The following TOP2B variants were observed in gnomAD, a reference collection of about 807,000 sequenced individuals.
TOP2B encodes DNA topoisomerase 2-beta.
In TOP2B, 51 loss-of-function variants were observed where a neutral mutation model predicts 193.5. The observed-to-expected ratio is 0.26, with a 90% CI of 0.21 to 0.33. The LOEUF is 0.33. Among genes scored for constraint, TOP2B ranks in the 10% least tolerant of loss-of-function variants. The pLI is 1.00. For synonymous variants in TOP2B, 634 were observed against 635.7 expected, an observed-to-expected ratio of 1.00 and a Z score of 0.04; for missense variants, 1,378 against 1,909.3, an observed-to-expected ratio of 0.72 and a Z score of 5.19.
Position 25,630,031 on chromosome 3 carries a change from G to A in TOP2B, c.1687C>T (p.Gln563Ter), listed in dbSNP as rs2125377284. 1 of 1,593,860 alleles carries A rather than the reference G, an allele frequency of 6.3e-7. No individual in the cohort carries two copies. ...RYGKIMIMTD[Q>*]DQDGSHIKGL... The stretch of plus-strand genomic sequence containing the variant: ...TATGTGGTAACTTTAAAACCAACCT[G>A]ATCGGTCATAATCATAATCTTTCCA... Residue 563 changes from glutamine to a stop codon, truncating the protein, a stop_gained and splice_region_variant, in exon 13 of 36, where the codon CAG (glutamine) becomes TAG (stop). Coordinates refer to ENST00000264331, the MANE Select transcript of TOP2B (RefSeq NM_001330700.2). LOFTEE classifies it high-confidence loss of function.
At position 25,626,612 on chromosome 3, in the gene TOP2B, CA is replaced by C; in HGVS notation, c.2171del (p.Leu724Ter). On this transcript the variant is annotated frameshift_variant, in exon 18 of 36. Coordinates refer to ENST00000264331, the MANE Select transcript of TOP2B (RefSeq NM_001330700.2). LOFTEE classifies it high-confidence loss of function. ...CATTGTCTGAGTTTGAGAAGAGAAT[CA>C]ATTCCTTGTTGATGAAATCATTATA... ...LTYNDFINKELILFSNSDNER... is the reference protein window; with the variant it reads ...LTYNDFINKEXILFSNSDNER... The C allele has an allele frequency of 6.5e-7, 1 of 1,538,434 alleles. No homozygotes were observed. Among genetic ancestry groups the C allele is most frequent in the East Asian group, 2.4e-5 (1 of 42,114 alleles).
At chr3:25,652,222 T>C (rs1401481793) in intron 1 of TOP2B, among the ~76,000 whole-genome samples, 1 of 152,118 alleles carries the variant, frequency 6.6e-6, no homozygotes, top group Admixed American at 6.6e-5. Flanking sequence ...AACACAATAA[T>C]AGTAGGAGAC....
intron 11 of TOP2B, 117 bp downstream of exon 11, chr3:25,630,684 A>G: frequency 2.8e-6 from 3 of 1,075,762 alleles, no homozygotes; most frequent in Non-Finnish European, 3.8e-6. Context: ...TCAATGAAGT[A>G]AAATCATACT....
In TOP2B at chr3:25,609,238, C is replaced by A. The variant is rs1334394723; in HGVS notation, c.4038G>T (p.Leu1346Phe). The A allele has an allele frequency of 7.5e-6, 12 of 1,607,830 alleles. No individual in the cohort carries two copies. Among genetic ancestry groups the A allele is most frequent in the Non-Finnish European group, 1.0e-5 (12 of 1,176,630 alleles). Reference protein sequence around the residue: ...SDDESKSESDLEETEPVVIPR... With the variant: ...SDDESKSESDFEETEPVVIPR... The stretch of plus-strand genomic sequence containing the variant: ...GAATAACCACAGGTTCTGTTTCTTC[C>A]AAATCACTTTCTGACTTGGATTCAT... The change falls in exon 30 of 36, where the codon TTG becomes TTT. Residue 1346 changes from leucine (L) to phenylalanine (F), a missense_variant. Leu to Phe is a conservative substitution (Grantham distance 22, BLOSUM62 0). Coordinates refer to ENST00000264331, the MANE Select transcript of TOP2B (RefSeq NM_001330700.2).
chr3:25,603,020 C>T (rs756967789), intron 33 of TOP2B, among the ~76,000 whole-genome samples: 6 of 152,100 alleles, frequency 3.9e-5, no homozygotes, highest in South Asian at 4.2e-4. Context: ...ACCTATTCAA[C>T]TTAGACAAGG....
chr3:25,610,458 A>G (rs955180792), intron 28 of TOP2B, among the ~76,000 whole-genome samples: 1 of 152,224 alleles, frequency 6.6e-6, no homozygotes, highest in African/African-American at 2.4e-5. Context: ...CTGAGTTCTA[A>G]AGGAAACACA....
chr3:25,655,886 G>A (rs1415761164), intron 1 of TOP2B, among the ~76,000 whole-genome samples: 1 of 152,062 alleles, frequency 6.6e-6, no homozygotes, highest in African/African-American at 2.4e-5. Context: ...GGGGGAGAGG[G>A]AATTAGTGTT....
chr3:25,633,832 C>T lies in TOP2B; in HGVS notation c.1026+9G>A. ...CACTGACTTGGAAACAAATAATTTG[C>T]TTACTTACTTTTGTAGTTGCAATAC... On this transcript the variant is annotated intron_variant, in intron 8 of 35. Transcript: ENST00000264331. 1 of 1,597,942 alleles carries T rather than the reference C, an allele frequency of 6.3e-7. No homozygotes were observed. Among genetic ancestry groups the T allele is most frequent in the Non-Finnish European group, 8.5e-7 (1 of 1,172,452 alleles).
chr3:25,656,808 T>C (rs1703758489), intron 1 of TOP2B, among the ~76,000 whole-genome samples: 1 of 152,216 alleles, frequency 6.6e-6, no homozygotes, highest in African/African-American at 2.4e-5. Context: ...ACTTTTATCT[T>C]TTCTACACCT....
chr3:25,615,347 T>C, intron 26 of TOP2B, 59 bp from the exon 27 acceptor site: 1 of 1,560,170 alleles, frequency 6.4e-7, no homozygotes, highest in Non-Finnish European at 8.7e-7. Context: ...GAAGGATAAA[T>C]CAAAATACTT....
intron 1 of TOP2B, among the ~76,000 whole-genome samples, chr3:25,648,148 C>G (rs1195553348): frequency 5.3e-5 from 8 of 152,206 alleles, no homozygotes; most frequent in Admixed American, 4.6e-4. Context: ...AATCTAAGTA[C>G]TGACATTGAA....
At chr3:25,628,542 AAT>A (rs1702869597) in intron 15 of TOP2B, among the ~76,000 whole-genome samples, 1 of 152,178 alleles carries the variant, frequency 6.6e-6, no homozygotes, top group Non-Finnish European at 1.5e-5. Flanking sequence ...TTCTTTCAGA[AAT>A]ACATACTGAA....
intron 1 of TOP2B, among the ~76,000 whole-genome samples, chr3:25,661,338 G>A (rs1044653620): frequency 3.3e-5 from 5 of 152,178 alleles, no homozygotes; most frequent in African/African-American, 4.8e-5. Context: ...ATAGAGGGAA[G>A]CTTGTTATAC....
chr3:25,637,320 A>G lies in TOP2B; in HGVS notation c.542-8T>C. On this transcript the variant is annotated splice_polypyrimidine_tract_variant and splice_region_variant and intron_variant, in intron 5 of 35. Transcript: ENST00000264331. Reference sequence around the variant, plus strand: ...CATAACCATTACGACCACCTGTAAGAAAAATTAAATGTAAAAGGTTTAGTA... The same window carrying G: ...CATAACCATTACGACCACCTGTAAGGAAAATTAAATGTAAAAGGTTTAGTA... 1.3e-6 allele frequency: 2 copies of G among 1,537,740 alleles called. 1 individual carries two copies. The highest frequency in any genetic ancestry group is 2.4e-5 in the South Asian group (2 of 82,578).
chr3:25,645,486 A>C lies in TOP2B; in HGVS notation c.70-16T>G. 6.3e-7 allele frequency: 1 copy of C among 1,582,486 alleles called. No homozygotes were observed. Among genetic ancestry groups the C allele is most frequent in the Non-Finnish European group, 8.6e-7 (1 of 1,163,048 alleles). On this transcript the variant is annotated splice_polypyrimidine_tract_variant and intron_variant, in intron 1 of 35. Transcript: ENST00000264331. ...CAAAAAGAGTCTAAAATTAACCAAAAAATCAAATTTAAATAACCTACCAAG... is the reference window on the plus strand; with the variant it reads ...CAAAAAGAGTCTAAAATTAACCAAACAATCAAATTTAAATAACCTACCAAG...
chr3:25,600,934 C>T (rs1347979640), intron 34 of TOP2B, among the ~76,000 whole-genome samples, 166 bp downstream of exon 34: 2 of 152,160 alleles, frequency 1.3e-5, no homozygotes, highest in Non-Finnish European at 2.9e-5. Flanking sequence ...TGCTATGCCT[C>T]CTTTGGACTA....
chr3:25,600,383 T>G (rs1445819954), intron 34 of TOP2B, among the ~76,000 whole-genome samples: 1 of 152,196 alleles, frequency 6.6e-6, no homozygotes, highest in Non-Finnish European at 1.5e-5. Flanking sequence ...ATTTTTGAAT[T>G]TATAAAGGCT....
In TOP2B at chr3:25,626,575, G is replaced by C; in HGVS notation, c.2209C>G (p.Pro737Ala). Residue 737 changes from proline (P) to alanine (A), a missense_variant, in exon 18 of 36, where the codon CCA becomes GCA. Coordinates refer to ENST00000264331, the MANE Select transcript of TOP2B (RefSeq NM_001330700.2). Reference protein sequence around the residue: ...FSNSDNERSIPSLVDGFKPGQ... With the variant: ...FSNSDNERSIASLVDGFKPGQ... ...TATTACTCACCATCAACAAGAGATG[G>C]TATAGATCTTTCATTGTCTGAGTTT... 3 of 1,507,566 alleles carry C rather than the reference G, an allele frequency of 2.0e-6. No individual in the cohort carries two copies. Among genetic ancestry groups the C allele is most frequent in the Non-Finnish European group, 2.7e-6 (3 of 1,124,774 alleles). The allele number at this position is 1,507,566 out of a possible 1,614,324, so 93.4% of individuals were successfully genotyped here. A position where few individuals can be genotyped will look rare whatever the true frequency, so the allele number is the denominator to read the frequency against.
chr3:25,643,079 A>T (rs918903862), intron 3 of TOP2B, among the ~76,000 whole-genome samples: 1 of 152,198 alleles, frequency 6.6e-6, no homozygotes, highest in Admixed American at 6.5e-5. Context: ...CAACAGAAGA[A>T]GTTCTGAGAC....
Sources: allele counts gnomAD v4.1 joint callset (sites outside exome capture counted in the v4.1 genomes callset), GRCh38; gene constraint gnomAD v4.1.1; transcripts MANE v1.5; gene names NCBI Gene and HGNC (gene_info 2026-07-23, HGNC 2026-07-21).